Variants in BANP observed in about 807,000 individuals in gnomAD.
The protein encoded by BANP is protein BANP.
BANP carries 11 observed loss-of-function variants against 68.1 expected under a neutral mutation model. The observed-to-expected ratio is 0.16, with a 90% confidence interval of 0.10 to 0.27. The LOEUF (loss-of-function observed/expected upper bound fraction) is 0.27, where lower values mean the gene tolerates loss of function less well. BANP is among the 10% of genes least tolerant of loss of function. The pLI is 1.00. For synonymous variants in BANP, 329 were observed against 303.2 expected (o/e 1.09, Z -0.88); for missense variants, 504 against 722.7 (o/e 0.70, Z 3.47).
At chr16:88,049,367 G>C (rs748902256) in intron 11 of BANP, among the ~76,000 whole-genome samples, 1 of 152,170 alleles carries the variant, frequency 6.6e-6, no homozygotes. Flanking sequence ...GGCGAGGTAC[G>C]GGGGAAGGGG....
At position 88,003,721 on chromosome 16, in the gene BANP, G is replaced by A. The variant is rs2070116588; in HGVS notation, c.363-574G>A. On this transcript the variant is annotated intron_variant, in intron 4 of 13. Coordinates refer to ENST00000682872, the MANE Select transcript of BANP (RefSeq NM_001386991.1). This position sits in a 1 kb window ranked among gnomAD's most constrained non-coding sequence, Gnocchi z 6.1. ...AAGCAGAACCCTGAGCCCTTTGGTT[G>A]TAGCTCACACATGTTCCTGCAGGAC... 1 of 339,942 alleles carries A rather than the reference G, an allele frequency of 2.9e-6. No homozygotes were observed. 21.1% of individuals were successfully genotyped at this position (339,942 alleles called of 1,614,324 possible).
rs552107589 is a variant in BANP at position 88,036,713 on chromosome 16, C to G, written c.1273-1260C>G. Among the ~76,000 whole-genome samples, 2 of 152,260 alleles carry G rather than the reference C, an allele frequency of 1.3e-5. No homozygotes were observed. The highest frequency in any genetic ancestry group is 2.9e-5 in the Non-Finnish European group (2 of 68,022). Reference sequence around the variant, plus strand: ...GGGCTCATCCACACAGCGACATGACCAGGTCACTAAGAAACGTGGTCAGAT... The same window carrying G: ...GGGCTCATCCACACAGCGACATGACGAGGTCACTAAGAAACGTGGTCAGAT... On this transcript the variant is annotated intron_variant, in intron 10 of 13. Transcript: ENST00000682872. This position sits in a 1 kb window ranked among gnomAD's most constrained non-coding sequence, Gnocchi z 4.2.
chr16:88,012,022 G>A (rs925580621), intron 6 of BANP, among the ~76,000 whole-genome samples: 4 of 152,200 alleles, frequency 2.6e-5, no homozygotes, highest in African/African-American at 9.6e-5. Context: ...CCAGGATCCT[G>A]GCATACCCCA....
intron 1 of BANP, among the ~76,000 whole-genome samples, chr16:87,972,577 A>G (rs1349277186): frequency 1.3e-5 from 2 of 151,910 alleles, no homozygotes; most frequent in Non-Finnish European, 2.9e-5. Flanking sequence ...GCTCATTTTT[A>G]TATGATTTTT....
At chr16:87,955,506 A>G (rs1365607525) in intron 1 of BANP, among the ~76,000 whole-genome samples, 1 of 152,252 alleles carries the variant, frequency 6.6e-6, no homozygotes, top group Non-Finnish European at 1.5e-5. Context: ...GAAAGTTCAC[A>G]GCATTATTGC....
intron 9 of BANP, among the ~76,000 whole-genome samples, chr16:88,034,441 C>T (rs1374564290): frequency 6.6e-6 from 1 of 151,456 alleles, no homozygotes; most frequent in Non-Finnish European, 1.5e-5. Context: ...AATTATTTGT[C>T]TGCCCATATG....
intron 10 of BANP, among the ~76,000 whole-genome samples, chr16:88,035,798 T>A (rs1567827873): frequency 6.6e-6 from 1 of 152,248 alleles, no homozygotes; most frequent in Non-Finnish European, 1.5e-5. Context: ...TGGCCCCAGC[T>A]TCCTAGTGGC....
chr16:87,975,181 C>A lies in BANP; in HGVS notation c.66C>A (p.His22Gln), dbSNP rs777811405. ...QIAVEDLSPD[H>Q]PVVLENHVVT... ...CAGTGGAAGACCTGAGCCCTGACCA[C>A]CCAGGTACAGAGCTGTGGGACAGTA... The change falls in exon 2 of 14, where the codon CAC becomes CAA. Residue 22 changes from histidine to glutamine, a missense_variant. Around this residue, in one of 3 missense-constraint regions of BANP, gnomAD observed 238 missense variants for 278.9 expected, o/e 0.85. Transcript: ENST00000682872. The A allele has an allele frequency of 6.2e-7, 1 of 1,613,970 alleles. No homozygotes were observed. The highest frequency in any genetic ancestry group is 2.2e-5 in the East Asian group (1 of 44,884).
intron 4 of BANP, among the ~76,000 whole-genome samples, chr16:87,991,342 A>G (rs970517996): frequency 1.3e-5 from 2 of 152,258 alleles, no homozygotes; most frequent in African/African-American, 4.8e-5. Flanking sequence ...TAGAGATACA[A>G]TCTAATAACC....
intron 11 of BANP, among the ~76,000 whole-genome samples, chr16:88,043,419 C>G (rs1229013671): frequency 6.6e-6 from 1 of 152,222 alleles, no homozygotes; most frequent in African/African-American, 2.4e-5. Context: ...TCTTTTGTCC[C>G]TGCCTCACTG....
intron 8 of BANP, among the ~76,000 whole-genome samples, chr16:88,029,944 A>G (rs940021755): frequency 2.6e-5 from 4 of 152,266 alleles, no homozygotes; most frequent in African/African-American, 9.6e-5. Flanking sequence ...GGGGACTCCA[A>G]GGCAGGCATG....
intron 8 of BANP, among the ~76,000 whole-genome samples, chr16:88,030,578 C>T (rs554536214): frequency 6.6e-6 from 1 of 152,314 alleles, no homozygotes; most frequent in South Asian, 2.1e-4. Context: ...GATATGTTGG[C>T]CTGCGTCATT....
intron 4 of BANP, among the ~76,000 whole-genome samples, chr16:87,987,196 A>G (rs1248752914): frequency 2.0e-5 from 3 of 152,048 alleles, no homozygotes; most frequent in Non-Finnish European, 4.4e-5. Flanking sequence ...CTCCTGCCTC[A>G]TCCTCCCAAG....
At chr16:87,996,407 G>C (rs981644331) in intron 4 of BANP, among the ~76,000 whole-genome samples, 1 of 149,856 alleles carries the variant, frequency 6.7e-6, no homozygotes, top group South Asian at 2.1e-4. Flanking sequence ...GCCCTCGTCC[G>C]GGTGCCAGCT....
At chr16:88,016,564 G>A (rs911361068) in intron 6 of BANP, among the ~76,000 whole-genome samples, 2 of 152,262 alleles carry the variant, frequency 1.3e-5, no homozygotes, top group African/African-American at 2.4e-5. Context: ...TAGATGCGGA[G>A]CTTTAGACCC....
At chr16:87,959,357 G>A (rs570328341) in intron 1 of BANP, among the ~76,000 whole-genome samples, 1 of 152,382 alleles carries the variant, frequency 6.6e-6, no homozygotes, top group South Asian at 2.1e-4. Context: ...TGGAGAGCTG[G>A]GCTGGGTTGT....
chr16:87,977,318 C>T (rs1489148178), intron 2 of BANP, among the ~76,000 whole-genome samples: 1 of 152,040 alleles, frequency 6.6e-6, no homozygotes, highest in Non-Finnish European at 1.5e-5. Context: ...GCTCAGGAGG[C>T]TGAGGCAGGA....
intron 3 of BANP, among the ~76,000 whole-genome samples, chr16:87,981,450 T>C (rs1261153560): frequency 2.0e-5 from 3 of 152,216 alleles, no homozygotes; most frequent in Admixed American, 2.0e-4. Flanking sequence ...GGACTTGTCA[T>C]TGGATTTAAG....
intron 7 of BANP, among the ~76,000 whole-genome samples, chr16:88,021,049 GCTT>G (rs1446722105): frequency 6.6e-6 from 1 of 152,210 alleles, no homozygotes; most frequent in African/African-American, 2.4e-5. Context: ...TCTCTGCTGA[GCTT>G]CTCCTTGCTT....
Sources: gnomAD v4.1 joint callset for allele counts (sites outside exome capture counted in the v4.1 genomes callset) on GRCh38, gnomAD v4.1.1 for gene constraint, gnomAD v4.1.1 regional missense constraint, Gnocchi (gnomAD v3.1) non-coding constraint, MANE v1.5 for transcripts, NCBI Gene and HGNC (gene_info 2026-07-23, HGNC 2026-07-21) for gene names.